Variants in NEXMIF observed in about 807,000 individuals in gnomAD.
NEXMIF encodes neurite extension and migration factor, also known as XLMR protein related to neurite extension.
NEXMIF carries 8 observed loss-of-function variants against 62.1 expected under a neutral mutation model. The observed-to-expected ratio is 0.13, with a 90% confidence interval of 0.08 to 0.23. The LOEUF is 0.23. Among genes scored for constraint, NEXMIF ranks in the 10% least tolerant of loss-of-function variants. The probability of loss-of-function intolerance (pLI) is 1.00; values close to 1 mark genes in which losing one functional copy is unlikely to be tolerated. For synonymous variants in NEXMIF, 404 were observed against 416.6 expected, an observed-to-expected ratio of 0.97 and a Z score of 0.37; for missense variants, 976 against 1,113.3, an observed-to-expected ratio of 0.88 and a Z score of 1.75.
At chrX:74,911,761 C>G (rs1168527611) in intron 1 of NEXMIF, among the ~76,000 whole-genome samples, 1 of 112,536 alleles carries the variant, frequency 8.9e-6, no homozygotes, top group Non-Finnish European at 1.9e-5. Flanking sequence ...CCTATTCAGC[C>G]AAGTGGATTT....
chrX:74,740,982 G>A lies in NEXMIF; in HGVS notation c.3575C>T (p.Ser1192Phe), dbSNP rs2080100914. Residue 1192 changes from serine (S) to phenylalanine (F), a missense_variant, in exon 3 of 4, where the codon TCT (serine) becomes TTT (phenylalanine). Physicochemically the swap from Ser to Phe is radical, Grantham distance 155. This residue lies in a region of NEXMIF where 639 missense variants were observed against 694.5 expected (regional missense o/e 0.92). Coordinates refer to ENST00000055682, the MANE Select transcript of NEXMIF (RefSeq NM_001008537.3). ...SKSGAMNQSS[S>F]QKNTRKKSLK... ...GGATTTTTTCCTGGTGTTTTTCTGA[G>A]AAGAGCTTTGGTTCATAGCCCCACT... is the stretch of plus-strand genomic sequence containing the variant. The A allele has an allele frequency of 8.3e-7, 1 of 1,209,995 alleles. No homozygotes were observed. Among genetic ancestry groups the A allele is most frequent in the South Asian group, 1.8e-5 (1 of 56,836 alleles).
At chrX:74,844,830 TGA>T (rs1367013712) in intron 1 of NEXMIF, among the ~76,000 whole-genome samples, 1 of 112,253 alleles carries the variant, frequency 8.9e-6, no homozygotes, top group African/African-American at 3.2e-5. Context: ...ATGTACAAGG[TGA>T]GAAGCAATAC....
chrX:74,914,598 T>C (rs1302952456), intron 1 of NEXMIF, among the ~76,000 whole-genome samples: 2 of 111,878 alleles, frequency 1.8e-5, no homozygotes, highest in Non-Finnish European at 3.8e-5. Flanking sequence ...GGAGAACTAC[T>C]TGAACCTGGG....
At chrX:74,796,163 T>A (rs1410952579) in intron 1 of NEXMIF, among the ~76,000 whole-genome samples, 14 of 40,850 alleles carry the variant, frequency 3.4e-4, no homozygotes, top group Admixed American at 1.5e-3. Context: ...ACATATATAT[T>A]ATATATATTA....
At chrX:74,875,205 G>A (rs1416282252) in intron 1 of NEXMIF, among the ~76,000 whole-genome samples, 2 of 110,630 alleles carry the variant, frequency 1.8e-5, no homozygotes, top group African/African-American at 3.3e-5. Context: ...TAGCATGAAG[G>A]GTTGTTGAAT....
chrX:74,763,776 T>G (rs2080185420), intron 1 of NEXMIF, among the ~76,000 whole-genome samples: 1 of 111,584 alleles, frequency 9.0e-6, no homozygotes, highest in Admixed American at 9.6e-5. Flanking sequence ...GTTTGTCTGT[T>G]TTTGGTGTAT....
At chrX:74,886,991 T>C (rs1465339524) in intron 1 of NEXMIF, among the ~76,000 whole-genome samples, 2 of 111,397 alleles carry the variant, frequency 1.8e-5, no homozygotes, top group Non-Finnish European at 3.8e-5. Flanking sequence ...TCAGAAATAA[T>C]GCCGCGTATG....
intron 1 of NEXMIF, among the ~76,000 whole-genome samples, chrX:74,815,524 C>T (rs1282393652): frequency 1.8e-5 from 2 of 111,597 alleles, no homozygotes; most frequent in Admixed American, 1.9e-4. Flanking sequence ...AAAAATATTC[C>T]TTTCCACATA....
intron 1 of NEXMIF, among the ~76,000 whole-genome samples, chrX:74,810,782 C>T (rs1171154264): frequency 1.8e-5 from 2 of 111,281 alleles, no homozygotes; most frequent in African/African-American, 3.3e-5. Context: ...TTCTAAAGAT[C>T]AAATGGAATA....
chrX:74,858,515 T>C (rs1380496980), intron 1 of NEXMIF, among the ~76,000 whole-genome samples: 1 of 111,763 alleles, frequency 8.9e-6, no homozygotes, highest in Non-Finnish European at 1.9e-5. Context: ...AACATGCAAG[T>C]CCTTTTAAAT....
chrX:74,786,132 G>C (rs1465463552), intron 1 of NEXMIF, among the ~76,000 whole-genome samples: 1 of 111,900 alleles, frequency 8.9e-6, no homozygotes, highest in African/African-American at 3.2e-5. Flanking sequence ...CACTGAGCGA[G>C]GGAAATGGGC....
chrX:74,747,347 A>G (rs992742880), intron 1 of NEXMIF, among the ~76,000 whole-genome samples: 2 of 111,560 alleles, frequency 1.8e-5, no homozygotes, highest in Non-Finnish European at 3.8e-5. Context: ...AGGTTGTAAA[A>G]CAACACAATG....
At position 74,887,587 on chromosome X, in the gene NEXMIF, C is replaced by T. The variant is rs2080700441; in HGVS notation, c.-48+37296G>A. Among the ~76,000 whole-genome samples the T allele has an allele frequency of 2.7e-5, 3 of 111,400 alleles. No individual in the cohort carries two copies. In the Admixed American group the frequency reaches 2.8e-4, roughly 11 times the overall value. ...GCCATCAGAGAAATGCAAATCAAAA[C>T]CACAATGAGATACCATCTCACACCA... On this transcript the variant is annotated intron_variant, in intron 1 of 3. Coordinates refer to ENST00000055682, the MANE Select transcript of NEXMIF (RefSeq NM_001008537.3).
chrX:74,852,430 A>G (rs1437190801), intron 1 of NEXMIF, among the ~76,000 whole-genome samples: 2 of 112,224 alleles, frequency 1.8e-5, no homozygotes, highest in Non-Finnish European at 3.8e-5. Flanking sequence ...AAATTAATAA[A>G]GAAACATTGG....
At chrX:74,835,674 T>C (rs1043425237) in intron 1 of NEXMIF, among the ~76,000 whole-genome samples, 2 of 111,173 alleles carry the variant, frequency 1.8e-5, no homozygotes, top group African/African-American at 6.6e-5. Context: ...ATGGAAGCAC[T>C]CCTGTGGCCA....
intron 1 of NEXMIF, among the ~76,000 whole-genome samples, chrX:74,819,818 C>T (rs1314520607): frequency 9.0e-6 from 1 of 111,661 alleles, no homozygotes; most frequent in African/African-American, 3.3e-5. Flanking sequence ...ACCATTTGAC[C>T]CAGCAATCCC....
chrX:74,780,501 C>T (rs189577633), intron 1 of NEXMIF, among the ~76,000 whole-genome samples: 50 of 108,879 alleles, frequency 4.6e-4, no homozygotes, highest in Middle Eastern at 9.5e-3. Flanking sequence ...CAGTCCCTCC[C>T]GGGACTACAG....
chrX:74,920,540 G>A (rs1302101447), intron 1 of NEXMIF, among the ~76,000 whole-genome samples: 2 of 111,057 alleles, frequency 1.8e-5, no homozygotes. Context: ...TTTGTCAGAT[G>A]AGTAGGTTGC....
At position 74,891,865 on chromosome X, in the gene NEXMIF, G is replaced by A. The variant is rs958324927; in HGVS notation, c.-48+33018C>T. On this transcript the variant is annotated intron_variant, in intron 1 of 3. Transcript: ENST00000055682. ...TTGATTCAGTCTCTTCTACTTCTCC[G>A]ACATGGCTCCTTTCCCCTCACCCTT... Among the ~76,000 whole-genome samples, 4 of 111,832 alleles carry A rather than the reference G, an allele frequency of 3.6e-5. No homozygotes were observed. The South Asian group carries it at 1.1e-3, about 31-fold the overall frequency.
Sources: gnomAD v4.1 joint callset for allele counts (sites outside exome capture counted in the v4.1 genomes callset) on GRCh38, gnomAD v4.1.1 for gene constraint, gnomAD v4.1.1 regional missense constraint, MANE v1.5 for transcripts, NCBI Gene and HGNC (gene_info 2026-07-23, HGNC 2026-07-21) for gene names.